Variants in TTBK2 observed in about 807,000 individuals in gnomAD.
The protein encoded by TTBK2 is tau-tubulin kinase 2.
In TTBK2, 28 loss-of-function variants were observed where a neutral mutation model predicts 110.8. The ratio of observed to expected loss-of-function variants is 0.25; its 90% CI spans 0.19 to 0.35. The LOEUF (loss-of-function observed/expected upper bound fraction) is 0.35. Among genes scored for constraint, TTBK2 ranks in the 10% least tolerant of loss-of-function variants. The probability of loss-of-function intolerance (pLI) is 1.00; values close to 1 mark genes in which losing one functional copy is unlikely to be tolerated. For missense variants in TTBK2, 1,369 were observed against 1,500.3 expected (o/e 0.91, Z 1.45); for synonymous variants, 532 against 527.3 (o/e 1.01, Z -0.12).
intron 7 of TTBK2, among the ~76,000 whole-genome samples, chr15:42,813,465 T>C (rs957426007): frequency 2.6e-5 from 4 of 151,858 alleles, no homozygotes; most frequent in African/African-American, 9.7e-5. Flanking sequence ...GAGACTGCAG[T>C]GAGCCGAGAC....
chr15:42,781,106 G>C (rs1159515432), intron 11 of TTBK2, among the ~76,000 whole-genome samples: 1 of 151,558 alleles, frequency 6.6e-6, no homozygotes, highest in East Asian at 1.9e-4. Context: ...GAAAGATAAA[G>C]GCAGAAAAAA....
At chr15:42,802,429 C>T (rs1416014375) in intron 9 of TTBK2, 1 of 717,570 alleles carries the variant, frequency 1.4e-6, no homozygotes, top group East Asian at 2.6e-5. Flanking sequence ...CGGGCCGAAC[C>T]AGACGGAATC....
At position 42,872,628 on chromosome 15, in the gene TTBK2, A is replaced by G; in HGVS notation, c.200T>C (p.Val67Ala). The G allele has an allele frequency of 6.2e-7, 1 of 1,614,148 alleles. No individual in the cohort carries two copies. The highest frequency in any genetic ancestry group is 8.5e-7 in the Non-Finnish European group (1 of 1,180,014). Residue 67 changes from valine (V) to alanine (A), a missense_variant, in exon 3 of 15, where the codon GTT becomes GCT. By Grantham distance (64) the Val-to-Ala change is moderately conservative (BLOSUM62 0). Around this residue, in one of 4 missense-constraint regions of TTBK2, gnomAD observed 122 missense variants for 159.7 expected, o/e 0.76. Transcript: ENST00000267890. ...GGGCTTACCTTGCAGCTTTTTCAAA[A>G]CAGCAACTTCCATTTTCAGAACTTG... ...PKQVLKMEVA[V>A]LKKLQGKDHV...
intron 1 of TTBK2, among the ~76,000 whole-genome samples, chr15:42,908,534 C>G (rs1045704109): frequency 2.0e-4 from 30 of 152,072 alleles, no homozygotes; most frequent in African/African-American, 7.2e-4. Flanking sequence ...TGAGTACTCA[C>G]CCATATAAAG....
chr15:42,774,425 T>G (rs1360686379), intron 13 of TTBK2, among the ~76,000 whole-genome samples: 1 of 152,182 alleles, frequency 6.6e-6, no homozygotes, highest in Non-Finnish European at 1.5e-5. Flanking sequence ...CACCACTGTT[T>G]ACTGGTAACA....
intron 3 of TTBK2, among the ~76,000 whole-genome samples, chr15:42,841,074 G>A (rs552834252): frequency 4.6e-5 from 7 of 152,258 alleles, no homozygotes; most frequent in South Asian, 2.1e-4. Flanking sequence ...AAAACCAGCC[G>A]GAAAACTTTA....
chr15:42,773,311 C>T (rs559720685), intron 13 of TTBK2, among the ~76,000 whole-genome samples: 1 of 152,132 alleles, frequency 6.6e-6, no homozygotes, highest in African/African-American at 2.4e-5. Flanking sequence ...GTGGTGGGCA[C>T]CTGTAATTCC....
At chr15:42,851,744 T>C (rs1229595833) in intron 3 of TTBK2, among the ~76,000 whole-genome samples, 2 of 152,130 alleles carry the variant, frequency 1.3e-5, no homozygotes, top group African/African-American at 4.8e-5. Flanking sequence ...GATTATAATA[T>C]GCATAGAACA....
rs1256993265 is a variant in TTBK2 at position 42,869,444 on chromosome 15, A to G, written c.217+3167T>C. Among the ~76,000 whole-genome samples, 4 of 152,032 alleles carry G rather than the reference A, an allele frequency of 2.6e-5. No individual in the cohort carries two copies. The South Asian group carries it at 6.2e-4, about 24-fold the overall frequency. On this transcript the variant is annotated intron_variant, in intron 3 of 14. Transcript: ENST00000267890. ...AAAACCTGGTGTGTTGAGATACAGC[A>G]TAAGAGATCATGAAAACTGAGAAAA... is the stretch of plus-strand genomic sequence containing the variant.
At chr15:42,763,706 A>C (rs1461137714) in intron 13 of TTBK2, among the ~76,000 whole-genome samples, 1 of 152,166 alleles carries the variant, frequency 6.6e-6, no homozygotes, top group Admixed American at 6.5e-5. Flanking sequence ...CTTTTTTAAG[A>C]GGCCATACAT....
intron 4 of TTBK2, among the ~76,000 whole-genome samples, chr15:42,838,191 AG>A (rs1893072870): frequency 1.3e-5 from 2 of 151,800 alleles, no homozygotes; most frequent in Admixed American, 1.3e-4. Context: ...TGGGTGATAG[AG>A]CGAGACTCTG....
At chr15:42,858,834 C>G (rs1894045632) in intron 3 of TTBK2, among the ~76,000 whole-genome samples, 1 of 152,138 alleles carries the variant, frequency 6.6e-6, no homozygotes, top group Admixed American at 6.5e-5. Context: ...GGTACCTAGT[C>G]ATAGGTATGT....
intron 13 of TTBK2, among the ~76,000 whole-genome samples, chr15:42,769,527 A>G (rs563217667): frequency 1.3e-5 from 2 of 152,362 alleles, no homozygotes; most frequent in South Asian, 4.1e-4. Flanking sequence ...ATCACTGGCC[A>G]TCAGAGAAAT....
intron 3 of TTBK2, among the ~76,000 whole-genome samples, chr15:42,849,477 G>A (rs1893607416): frequency 6.6e-6 from 1 of 151,980 alleles, no homozygotes; most frequent in Admixed American, 6.5e-5. Context: ...TTTTCTATAT[G>A]AATTCAGATT....
intron 3 of TTBK2, among the ~76,000 whole-genome samples, chr15:42,855,844 C>T (rs35202249): frequency 0.1 from 15,140 of 152,158 alleles, 1,049 homozygotes; most frequent in South Asian, 0.18. Context: ...GCCACCTCGC[C>T]CGGCTAATTT....
intron 7 of TTBK2, among the ~76,000 whole-genome samples, chr15:42,812,204 T>C (rs1283409348): frequency 6.6e-6 from 1 of 152,202 alleles, no homozygotes; most frequent in African/African-American, 2.4e-5. Flanking sequence ...GCCTTGGGCC[T>C]ACATAGGACA....
At chr15:42,816,108 ATATATATATATG>A (rs1892012751) in intron 7 of TTBK2, among the ~76,000 whole-genome samples, 5 of 122,632 alleles carry the variant, frequency 4.1e-5, no homozygotes, top group African/African-American at 1.7e-4. Flanking sequence ...ATATATATAT[ATATATATATATG>A]TGTATATTTT....
intron 13 of TTBK2, among the ~76,000 whole-genome samples, chr15:42,774,485 G>T (rs561551109): frequency 2.0e-5 from 3 of 152,252 alleles, no homozygotes; most frequent in Admixed American, 2.0e-4. Flanking sequence ...ATAAACAATA[G>T]TCGTTCCTCA....
intron 10 of TTBK2, among the ~76,000 whole-genome samples, chr15:42,794,266 T>C (rs1343614658): frequency 3.3e-5 from 5 of 152,226 alleles, no homozygotes; most frequent in Admixed American, 3.3e-4. Flanking sequence ...AGGAACATGT[T>C]ACATGCTTTG....
Sources: allele counts gnomAD v4.1 joint callset (sites outside exome capture counted in the v4.1 genomes callset), GRCh38; gene constraint gnomAD v4.1.1; regional missense constraint gnomAD v4.1.1; transcripts MANE v1.5; gene names NCBI Gene and HGNC (gene_info 2026-07-23, HGNC 2026-07-21).